Variants in RAB26 observed in about 807,000 individuals in gnomAD.
RAB26 encodes ras-related protein Rab-26.
Under a neutral mutation model 33.1 loss-of-function variants are expected in RAB26, and 39 were observed. The ratio of observed to expected loss-of-function variants is 1.18; its 90% CI spans 0.91 to 1.54. RAB26 has a LOEUF of 1.54. Among genes scored for constraint, RAB26 ranks in the 40% most tolerant of loss-of-function variants. RAB26 has a pLI of 0.00. For synonymous variants in RAB26, 192 were observed against 151.9 expected (o/e 1.26, Z -1.94); for missense variants, 468 against 362.9 (o/e 1.29, Z -2.35).
intron 2 of RAB26, chr16:2,151,112 T>C (rs1010083140): frequency 9.5e-6 from 4 of 420,774 alleles, no homozygotes; most frequent in Non-Finnish European, 1.9e-5. Context: ...GTGGCTTTAA[T>C]TTTTTATTCT....
intron 1 of RAB26, 45 bp downstream of exon 1, chr16:2,149,023 C>A: frequency 1.6e-6 from 2 of 1,258,444 alleles, no homozygotes; most frequent in South Asian, 6.3e-5. Flanking sequence ...CAGGTGGCGC[C>A]CGGCCTGAGC....
rs555771909 is a variant in RAB26 at position 2,152,795 on chromosome 16, C to T, written c.469-25C>T. 3 of 1,599,504 alleles carry T rather than the reference C, an allele frequency of 1.9e-6. No individual in the cohort carries two copies. The East Asian group carries it at 6.7e-5, about 36-fold the overall frequency. ...ATGGGGCAAGCCATGCAGGGAGCCC[C>T]AGCCTGGTCTGCTGCCTCCCACAGG... On this transcript the variant is annotated intron_variant, in intron 5 of 8. Transcript: ENST00000210187.
intron 1 of RAB26, among the ~76,000 whole-genome samples, chr16:2,149,303 CTTTTTTTTTT>C (rs756125935): frequency 2.6e-5 from 3 of 116,022 alleles, no homozygotes; most frequent in Admixed American, 1.7e-4. Flanking sequence ...GGCTGTGGGC[CTTTTTTTTTT>C]TTTTTTTTTT....
rs979520861 is a variant in RAB26, at chr16:2,151,425, G to A, written c.307-144G>A. The A allele has an allele frequency of 2.4e-5, 27 of 1,114,664 alleles. No homozygotes were observed. The African/African-American group carries it at 2.9e-4, about 12-fold the overall frequency. The allele number at this position is 1,114,664 out of a possible 1,614,324, so 69.0% of individuals were successfully genotyped here. A position where few individuals can be genotyped will look rare whatever the true frequency, so the allele number is the denominator to read the frequency against. On this transcript the variant is annotated intron_variant, in intron 2 of 8. Transcript: ENST00000210187. ...GCCTGCACTTGCAGGTGTGGGTGAGGTCAAATTGGCTTAAGGGAAGCCTGC... is the reference window on the plus strand; with the variant it reads ...GCCTGCACTTGCAGGTGTGGGTGAGATCAAATTGGCTTAAGGGAAGCCTGC...
rs1298492379 is a variant in RAB26 at position 2,151,623 on chromosome 16, G to A, written c.348+13G>A. On this transcript the variant is annotated intron_variant, in intron 3 of 8. Coordinates refer to ENST00000210187, the MANE Select transcript of RAB26 (RefSeq NM_014353.5). ...GGTGAAGCTGCAGGTAAGGTGACTGGCAGAGGACAAGTTGGGGGACAGGGG... is the reference window on the plus strand; with the variant it reads ...GGTGAAGCTGCAGGTAAGGTGACTGACAGAGGACAAGTTGGGGGACAGGGG... The A allele has an allele frequency of 6.2e-7, 1 of 1,614,062 alleles. No individual in the cohort carries two copies. The highest frequency in any genetic ancestry group is 1.1e-5 in the South Asian group (1 of 91,086).
In RAB26 at chr16:2,148,885, G is replaced by A. The variant is rs2141249944; in HGVS notation, c.102G>A (p.Ala34=). 1.5e-6 allele frequency: 2 copies of A among 1,367,482 alleles called. No individual in the cohort carries two copies. The highest frequency in any genetic ancestry group is 1.9e-6 in the Non-Finnish European group (2 of 1,057,510). 84.7% of individuals were successfully genotyped at this position (1,367,482 alleles called of 1,614,324 possible). A position where few individuals can be genotyped will look rare whatever the true frequency, so the allele number is the denominator to read the frequency against. The part of the protein sequence containing the change: ...NGARPARSGT[A]LSGPDAPPNG... ...CCCGACCGGCGCGCTCCGGGACTGC[G>A]CTTTCCGGCCCCGACGCGCCGCCCA... Residue 34 remains alanine, a synonymous_variant, in exon 1 of 9, where the codon GCG becomes GCA. Coordinates refer to ENST00000210187, the MANE Select transcript of RAB26 (RefSeq NM_014353.5).
At chr16:2,149,549 C>T (rs761467434) in intron 1 of RAB26, among the ~76,000 whole-genome samples, 1 of 152,016 alleles carries the variant, frequency 6.6e-6, no homozygotes, top group African/African-American at 2.4e-5. Context: ...GCAAATTCCT[C>T]GAGCCTTGCT....
intron 2 of RAB26, 114 bp downstream of exon 2, chr16:2,150,165 C>G (rs914575625): frequency 4.5e-6 from 4 of 895,900 alleles, no homozygotes; most frequent in Non-Finnish European, 6.6e-6. Context: ...CCAGAAGCTG[C>G]CTGCCTCGAC....
rs112677964 is a variant in RAB26 at position 2,151,147 on chromosome 16, G to A, written c.307-422G>A. The A allele has an allele frequency of 2.9e-3, 1,340 of 456,344 alleles. 12 individuals are homozygous for A. Among genetic ancestry groups the A allele is most frequent in the African/African-American group, 0.024 (1,204 of 50,134 alleles). 28.3% of individuals were successfully genotyped at this position (456,344 alleles called of 1,614,324 possible). Reference sequence around the variant, plus strand: ...TTTTGAAGCAGGGTCTCACTCTGTCGCCCTGGCTGGAGTGCAGTGGTGATC... The same window carrying A: ...TTTTGAAGCAGGGTCTCACTCTGTCACCCTGGCTGGAGTGCAGTGGTGATC... On this transcript the variant is annotated intron_variant, in intron 2 of 8. Coordinates refer to ENST00000210187, the MANE Select transcript of RAB26 (RefSeq NM_014353.5).
rs58347017 is a variant in RAB26 at position 2,152,693 on chromosome 16, CAAAAAAAAAA to C, written c.469-113_469-104del. ...GGGAAACAGGGCGAGACTCTTGTCT[CAAAAAAAAAA>C]AAAAAAAAAAAAAGATAAAGACAGG... On this transcript the variant is annotated intron_variant, in intron 5 of 8. Transcript: ENST00000210187. 1,164 of 349,774 alleles carry C rather than the reference CAAAAAAAAAA, an allele frequency of 3.3e-3. 14 individuals carry two copies. The highest frequency in any genetic ancestry group is 1.0e-3 in the Non-Finnish European group (220 of 212,652). 21.7% of individuals were successfully genotyped at this position (349,774 alleles called of 1,614,324 possible).
In RAB26 at chr16:2,153,028, G is replaced by A. The variant is rs760092545; in HGVS notation, c.574G>A (p.Gly192Arg). 15 of 1,602,948 alleles carry A rather than the reference G, an allele frequency of 9.4e-6. No individual in the cohort carries two copies. Among genetic ancestry groups the A allele is most frequent in the East Asian group, 6.7e-5 (3 of 44,638 alleles). Residue 192 changes from glycine (G) to arginine (R), a missense_variant, in exon 7 of 9, where the codon GGG becomes AGG. Transcript: ENST00000210187. Reference sequence around the variant, plus strand: ...TGAGCGTGTGGTGAAGAGGGAGGACGGGGAGAAGCTGGCCAAGGTGAGTCA... The same window carrying A: ...TGAGCGTGTGGTGAAGAGGGAGGACAGGGAGAAGCTGGCCAAGGTGAGTCA... ...AHERVVKRED[G>R]EKLAKEYGLP...
In RAB26 at chr16:2,148,975, C is replaced by G. The variant is rs1197493087; in HGVS notation, c.192C>G (p.Phe64Leu). 7.8e-7 allele frequency: 1 copy of G among 1,274,638 alleles called. No homozygotes were observed. 79.0% of individuals were successfully genotyped at this position (1,274,638 alleles called of 1,614,324 possible). A position where few individuals can be genotyped will look rare whatever the true frequency, so the allele number is the denominator to read the frequency against. Residue 64 changes from phenylalanine (F) to leucine (L), a missense_variant, in exon 1 of 9, where the codon TTC (phenylalanine) becomes TTG (leucine). Physicochemically the swap from Phe to Leu is conservative, Grantham distance 22. Transcript: ENST00000210187. ...GTGTCGACTTCTACGACGTCGCCTTCAAGGTGAGCCAGGCACCCGCCCCCC... is the reference window on the plus strand; with the variant it reads ...GTGTCGACTTCTACGACGTCGCCTTGAAGGTGAGCCAGGCACCCGCCCCCC... ...GGGVDFYDVA[F>L]KVMLVGDSGV...
Position 2,153,602 on chromosome 16 carries a change from T to C in RAB26, c.*181T>C, listed in dbSNP as rs1295120125. 1 of 669,562 alleles carries C rather than the reference T, an allele frequency of 1.5e-6. No homozygotes were observed. Among genetic ancestry groups the C allele is most frequent in the South Asian group, 1.7e-5 (1 of 59,368 alleles). The allele number at this position is 669,562 out of a possible 1,614,324, so 41.5% of individuals were successfully genotyped here. Reference sequence around the variant, plus strand: ...GCAACAGTCCCAACAAGCAGGCTTCTGAGAGCCCGTGGCCGCACACTGGCC... The same window carrying C: ...GCAACAGTCCCAACAAGCAGGCTTCCGAGAGCCCGTGGCCGCACACTGGCC... On this transcript the variant is annotated 3_prime_UTR_variant, in exon 9 of 9. Transcript: ENST00000210187.
intron 1 of RAB26, 102 bp from the exon 2 acceptor site, chr16:2,149,839 C>T (rs917366418): frequency 2.3e-6 from 2 of 875,846 alleles, no homozygotes; most frequent in Non-Finnish European, 3.3e-6. Context: ...GCCTGCAGGC[C>T]TGGGCTGCCT....
chr16:2,153,119 C>T lies in RAB26; in HGVS notation c.592-27C>T, dbSNP rs187654476. On this transcript the variant is annotated intron_variant, in intron 7 of 8. Transcript: ENST00000210187. Reference sequence around the variant, plus strand: ...GCCTAGGCTGTCCCCGCCAGGCCACCACCTGGCTGGCAGCAGCTGTTTACA... The same window carrying T: ...GCCTAGGCTGTCCCCGCCAGGCCACTACCTGGCTGGCAGCAGCTGTTTACA... 4.0e-4 allele frequency: 646 copies of T among 1,613,436 alleles called. 4 individuals are homozygous for T. The East Asian group carries it at 0.012, about 29-fold the overall frequency.
chr16:2,149,303 CTT>C (rs756125935), intron 1 of RAB26, among the ~76,000 whole-genome samples: 3,832 of 116,004 alleles, frequency 0.033, 131 homozygotes, highest in African/African-American at 0.12. Flanking sequence ...GGCTGTGGGC[CTT>C]TTTTTTTTTT....
At chr16:2,149,066 C>A in intron 1 of RAB26, 88 bp downstream of exon 1, 1 of 1,217,444 alleles carries the variant, frequency 8.2e-7, no homozygotes, top group Non-Finnish European at 1.0e-6. Flanking sequence ...GGGTGCAGGG[C>A]CCGCGGCCCC....
In RAB26 at chr16:2,151,576, T is replaced by C; in HGVS notation, c.314T>C (p.Val105Ala). 1 of 1,613,920 alleles carries C rather than the reference T, an allele frequency of 6.2e-7. No individual in the cohort carries two copies. Among genetic ancestry groups the C allele is most frequent in the Non-Finnish European group, 8.5e-7 (1 of 1,180,014 alleles). ...STVGIDFRNK[V>A]LDVDGVKVKL... ...TGGTTCTGTCTGTTTCAGAACAAAG[T>C]TCTGGACGTGGATGGTGTGAAGGTG... Residue 105 changes from valine (V) to alanine (A), a missense_variant, in exon 3 of 9, where the codon GTT (valine) becomes GCT (alanine). Transcript: ENST00000210187.
At position 2,151,893 on chromosome 16, in the gene RAB26, C is replaced by T. The variant is rs1567239883; in HGVS notation, c.453C>T (p.Ser151=). 1 of 1,614,154 alleles carries T rather than the reference C, an allele frequency of 6.2e-7. No homozygotes were observed. The change falls in exon 5 of 9, where the codon TCC becomes TCT. Residue 151 remains serine, a synonymous_variant. Transcript: ENST00000210187. The part of the protein sequence containing the change: ...LLLYDVTNKA[S]FDNIQAWLTE... ...TCTACGATGTCACCAACAAGGCCTC[C>T]TTTGACAACATCCAGGTCAGTGGCT...
Sources: allele counts gnomAD v4.1 joint callset (sites outside exome capture counted in the v4.1 genomes callset), GRCh38; gene constraint gnomAD v4.1.1; transcripts MANE v1.5; gene names NCBI Gene and HGNC (gene_info 2026-07-23, HGNC 2026-07-21).